Variants in ZNF280D observed in about 807,000 individuals in gnomAD.
ZNF280D encodes the protein suppressor of hairy wing homolog 4.
Under a neutral mutation model 94.7 loss-of-function variants are expected in ZNF280D, and 39 were observed. That is an observed-to-expected ratio of 0.41 (90% confidence interval 0.32 to 0.54). The LOEUF (loss-of-function observed/expected upper bound fraction) is 0.54. ZNF280D is among the 20% of genes least tolerant of loss of function. The probability of loss-of-function intolerance (pLI) is 0.22; values close to 1 mark genes in which losing one functional copy is unlikely to be tolerated. For missense variants in ZNF280D, 1,090 were observed against 1,149.3 expected (o/e 0.95, Z 0.75); for synonymous variants, 398 against 377.6 (o/e 1.05, Z -0.63).
At chr15:56,634,491 G>A (rs2052254682) in intron 21 of ZNF280D, among the ~76,000 whole-genome samples, 1 of 151,962 alleles carries the variant, frequency 6.6e-6, no homozygotes, top group Non-Finnish European at 1.5e-5. Context: ...CTTTACTATT[G>A]AAGTATAAGA....
In ZNF280D at chr15:56,707,154, A is replaced by T; in HGVS notation, c.-41-4T>A. On this transcript the variant is annotated splice_region_variant and splice_polypyrimidine_tract_variant and intron_variant, in intron 2 of 21. Transcript: ENST00000267807. ...TCTGTAAATTGTCACCTAAGTACTG[A>T]CACATGATATCAGTCAATTTAATGA... 1 of 1,613,576 alleles carries T rather than the reference A, an allele frequency of 6.2e-7. No individual in the cohort carries two copies. The highest frequency in any genetic ancestry group is 8.5e-7 in the Non-Finnish European group (1 of 1,179,804).
Position 56,654,502 on chromosome 15 carries a change from C to T in ZNF280D, c.2059G>A (p.Gly687Ser). The part of the protein sequence containing the change: ...IFKKHSENLR[G>S]ITLVCLNCDF... Reference sequence around the variant, plus strand: ...CAATTAAGGCACACTAGAGTAATGCCCCTAAAAAAAAAAGCATTAAAAAAA... The same window carrying T: ...CAATTAAGGCACACTAGAGTAATGCTCCTAAAAAAAAAAGCATTAAAAAAA... The change falls in exon 18 of 22, where the codon GGC becomes AGC. Residue 687 changes from glycine (G) to serine (S), a missense_variant and splice_region_variant. Gly to Ser is a moderately conservative substitution (Grantham distance 56, BLOSUM62 0). This residue lies in a region of ZNF280D where 577 missense variants were observed against 568.8 expected (regional missense o/e 1.01). Transcript: ENST00000267807. 2.6e-6 allele frequency: 4 copies of T among 1,565,772 alleles called. No homozygotes were observed. The highest frequency in any genetic ancestry group is 2.3e-5 in the East Asian group (1 of 44,436).
intron 1 of ZNF280D, among the ~76,000 whole-genome samples, chr15:56,712,186 TA>T (rs1430123880): frequency 6.6e-6 from 1 of 152,164 alleles, no homozygotes; most frequent in African/African-American, 2.4e-5. Flanking sequence ...ATTTCTAAAC[TA>T]ATTAAAATAT....
chr15:56,667,875 G>T lies in ZNF280D; in HGVS notation c.1546-889C>A, dbSNP rs141605650. 1.0e-4 allele frequency: 19 copies of T among 181,478 alleles called. No homozygotes were observed. In the East Asian group the frequency reaches 3.1e-3, roughly 30 times the overall value. The allele number at this position is 181,478 out of a possible 1,614,324, so 11.2% of individuals were successfully genotyped here. A position where few individuals can be genotyped will look rare whatever the true frequency, so the allele number is the denominator to read the frequency against. The stretch of plus-strand genomic sequence containing the variant: ...GGATTGTGGTATGAATTAGACAACA[G>T]AATGTATGAAAAAGTACACTGAAAG... On this transcript the variant is annotated intron_variant, in intron 14 of 21. Coordinates refer to ENST00000267807, the MANE Select transcript of ZNF280D (RefSeq NM_017661.4).
intron 16 of ZNF280D, among the ~76,000 whole-genome samples, chr15:56,663,016 GTGCTCAGCTATAATCAT>G (rs1212674396): frequency 4.6e-5 from 7 of 151,382 alleles, no homozygotes; most frequent in African/African-American, 1.7e-4. Flanking sequence ...TGCAGAGGGG[GTGCTCAGCTATAATCAT>G]TGCACTTTAA....
chr15:56,649,882 A>C (rs970524503), intron 19 of ZNF280D, among the ~76,000 whole-genome samples: 9 of 152,116 alleles, frequency 5.9e-5, no homozygotes, highest in African/African-American at 1.7e-4. Flanking sequence ...GAGTTTACTT[A>C]CTGCTTACAT....
At chr15:56,687,243 C>T (rs547444374) in intron 9 of ZNF280D, among the ~76,000 whole-genome samples, 1 of 152,142 alleles carries the variant, frequency 6.6e-6, no homozygotes, top group Non-Finnish European at 1.5e-5. Flanking sequence ...CTTACAATGA[C>T]AGAGATACTT....
chr15:56,653,617 T>C (rs1432485227), intron 19 of ZNF280D: 2 of 1,472,290 alleles, frequency 1.4e-6, no homozygotes, highest in South Asian at 1.3e-5. Context: ...ATAAGAAAAA[T>C]AGCACAATGA....
chr15:56,703,593 C>A (rs1251159932), intron 4 of ZNF280D, among the ~76,000 whole-genome samples: 1 of 152,150 alleles, frequency 6.6e-6, no homozygotes, highest in African/African-American at 2.4e-5. Context: ...GTGACTCACA[C>A]CTGTAATTTT....
intron 1 of ZNF280D, among the ~76,000 whole-genome samples, chr15:56,713,310 A>G (rs556834537): frequency 6.6e-6 from 1 of 152,306 alleles, no homozygotes; most frequent in African/African-American, 2.4e-5. Flanking sequence ...ACTAACTCAT[A>G]AAGTTAGCTC....
chr15:56,667,569 T>C (rs2054379853), intron 14 of ZNF280D, among the ~76,000 whole-genome samples: 1 of 152,182 alleles, frequency 6.6e-6, no homozygotes, highest in East Asian at 1.9e-4. Flanking sequence ...TCATTTAGTA[T>C]TCAGAATGAG....
intron 20 of ZNF280D, among the ~76,000 whole-genome samples, chr15:56,638,245 T>A (rs1304738383): frequency 6.6e-6 from 1 of 152,192 alleles, no homozygotes; most frequent in African/African-American, 2.4e-5. Flanking sequence ...TATTTCAACA[T>A]TTGGAAGATC....
chr15:56,726,026 G>A (rs10518871), intron 1 of ZNF280D, among the ~76,000 whole-genome samples: 34,764 of 151,890 alleles, frequency 0.23, 4,480 homozygotes, highest in African/African-American at 0.35. Context: ...ATACAACGTT[G>A]GCCTGATGTG....
chr15:56,665,229 CAT>C (rs1297880153), intron 16 of ZNF280D, among the ~76,000 whole-genome samples: 1 of 152,088 alleles, frequency 6.6e-6, no homozygotes, highest in Non-Finnish European at 1.5e-5. Flanking sequence ...ACAGAGAAGT[CAT>C]GTGTAATCTG....
intron 17 of ZNF280D, 48 bp from the exon 18 acceptor site, chr15:56,654,551 C>T (rs2053414749): frequency 1.3e-6 from 2 of 1,496,140 alleles, no homozygotes; most frequent in South Asian, 1.3e-5. Context: ...TATGAAAATC[C>T]ACTTATAAGT....
At chr15:56,711,439 T>C (rs2057753127) in intron 1 of ZNF280D, among the ~76,000 whole-genome samples, 1 of 151,988 alleles carries the variant, frequency 6.6e-6, no homozygotes, top group Non-Finnish European at 1.5e-5. Context: ...CCGAGGCAGG[T>C]GGATCACTTG....
chr15:56,702,670 G>A (rs149984747), intron 4 of ZNF280D, among the ~76,000 whole-genome samples: 4 of 152,032 alleles, frequency 2.6e-5, no homozygotes, highest in Admixed American at 2.0e-4. Flanking sequence ...CACTATCACC[G>A]ACGATGCCAT....
intron 19 of ZNF280D, chr15:56,653,930 A>G (rs2053365190): frequency 7.6e-7 from 1 of 1,313,240 alleles, no homozygotes; most frequent in Non-Finnish European, 9.7e-7. Flanking sequence ...GAGCTGAATA[A>G]TGAGAGCTAG....
intron 11 of ZNF280D, 78 bp from the exon 12 acceptor site, chr15:56,677,752 AC>A (rs2140971211): frequency 2.1e-6 from 1 of 474,444 alleles, no homozygotes; most frequent in East Asian, 5.2e-5. Flanking sequence ...TATATCAACA[AC>A]AATAACAGTA....
Sources: allele counts gnomAD v4.1 joint callset (sites outside exome capture counted in the v4.1 genomes callset), GRCh38; gene constraint gnomAD v4.1.1; regional missense constraint gnomAD v4.1.1; transcripts MANE v1.5; gene names NCBI Gene and HGNC (gene_info 2026-07-23, HGNC 2026-07-21).